Variants in TCF12 observed in about 807,000 individuals in gnomAD.
The protein encoded by TCF12 is transcription factor 12, also known as DNA-binding protein HTF4.
Under a neutral mutation model 86.0 loss-of-function variants are expected in TCF12, and 45 were observed. The ratio of observed to expected loss-of-function variants is 0.52; its 90% confidence interval spans 0.41 to 0.67. The LOEUF (loss-of-function observed/expected upper bound fraction) is 0.67. Ranked by LOEUF, TCF12 falls within the 30% of genes least tolerant of loss-of-function variation. The pLI is 0.00. For synonymous variants in TCF12, 330 were observed against 299.6 expected, an observed-to-expected ratio of 1.10 and a Z score of -1.05; for missense variants, 881 against 859.9, an observed-to-expected ratio of 1.02 and a Z score of -0.31.
chr15:57,139,888 C>G (rs1045581581), intron 5 of TCF12, among the ~76,000 whole-genome samples: 4 of 152,192 alleles, frequency 2.6e-5, no homozygotes, highest in African/African-American at 9.6e-5. Context: ...ACTTCATTCA[C>G]TCACAGTCCT....
At chr15:57,282,974 T>C (rs1209673546) in intron 20 of TCF12, among the ~76,000 whole-genome samples, 1 of 152,254 alleles carries the variant, frequency 6.6e-6, no homozygotes, top group Non-Finnish European at 1.5e-5. Context: ...ATGCTGACTA[T>C]ATCATCAACC....
intron 5 of TCF12, among the ~76,000 whole-genome samples, chr15:57,161,142 T>C (rs777850387): frequency 6.6e-6 from 1 of 152,226 alleles, no homozygotes; most frequent in African/African-American, 2.4e-5. Context: ...TGTAGAACTG[T>C]GCCTGTCCAC....
At chr15:57,063,701 C>A in intron 3 of TCF12, 49 bp from the exon 4 acceptor site, 1 of 1,534,686 alleles carries the variant, frequency 6.5e-7, no homozygotes, top group Non-Finnish European at 8.9e-7. Flanking sequence ...CCAAAAAAAT[C>A]CACAAAAGTA....
chr15:57,241,807 A>C (rs1279820723), intron 12 of TCF12, among the ~76,000 whole-genome samples: 1 of 152,106 alleles, frequency 6.6e-6, no homozygotes, highest in Non-Finnish European at 1.5e-5. Flanking sequence ...AGCCTGTCCA[A>C]CATAGCGAAA....
chr15:57,016,291 A>C (rs2435905), intron 3 of TCF12, among the ~76,000 whole-genome samples: 1 of 152,120 alleles, frequency 6.6e-6, no homozygotes, highest in Non-Finnish European at 1.5e-5. Context: ...GACAGATTAC[A>C]AGGTAGATTC....
intron 8 of TCF12, among the ~76,000 whole-genome samples, chr15:57,221,741 A>G (rs2058608149): frequency 2.0e-5 from 3 of 152,070 alleles, no homozygotes; most frequent in Admixed American, 2.0e-4. Flanking sequence ...ACTTGTATGT[A>G]TTTTATTTTT....
At chr15:56,999,551 CAG>C (rs1360709043) in intron 3 of TCF12, among the ~76,000 whole-genome samples, 15 of 152,016 alleles carry the variant, frequency 9.9e-5, no homozygotes, top group Admixed American at 5.9e-4. Context: ...TAAGATGAAA[CAG>C]ATGATCTTGT....
In TCF12 at chr15:57,286,730, T is replaced by C. The variant is rs977566973; in HGVS notation, c.*585T>C. ...TGCCCTCTCCTATCCTCTTGCCATATGAATAGCGTTTTCCATGAAATAGGA... is the reference window on the plus strand; with the variant it reads ...TGCCCTCTCCTATCCTCTTGCCATACGAATAGCGTTTTCCATGAAATAGGA... On this transcript the variant is annotated 3_prime_UTR_variant, in exon 21 of 21. Transcript: ENST00000333725. The C allele has an allele frequency of 4.6e-6, 2 of 438,978 alleles. No individual in the cohort carries two copies. Among genetic ancestry groups the C allele is most frequent in the Non-Finnish European group, 9.1e-6 (2 of 220,670 alleles). 27.2% of individuals were successfully genotyped at this position (438,978 alleles called of 1,614,324 possible). A position where few individuals can be genotyped will look rare whatever the true frequency, so the allele number is the denominator to read the frequency against.
chr15:56,975,376 G>A (rs1435700201), intron 3 of TCF12, among the ~76,000 whole-genome samples: 1 of 152,140 alleles, frequency 6.6e-6, no homozygotes, highest in Non-Finnish European at 1.5e-5. Context: ...ATTTAAAATA[G>A]TTAATGATAA....
intron 5 of TCF12, among the ~76,000 whole-genome samples, chr15:57,104,073 A>C (rs1218882566): frequency 1.3e-5 from 2 of 152,214 alleles, no homozygotes; most frequent in African/African-American, 4.8e-5. Flanking sequence ...ACAGTATTTC[A>C]TAGTGGAAAG....
intron 3 of TCF12, among the ~76,000 whole-genome samples, chr15:57,020,050 A>G (rs1412931700): frequency 1.3e-5 from 2 of 152,220 alleles, no homozygotes; most frequent in Non-Finnish European, 2.9e-5. Context: ...AGGTGGGGTC[A>G]GCCATACTAG....
intron 3 of TCF12, among the ~76,000 whole-genome samples, chr15:56,945,375 A>G (rs1251594005): frequency 6.6e-6 from 1 of 151,992 alleles, no homozygotes; most frequent in Non-Finnish European, 1.5e-5. Context: ...TCAGGTATTC[A>G]TCTTGTCTCA....
chr15:56,937,180 C>T (rs1428649690), intron 3 of TCF12, among the ~76,000 whole-genome samples: 1 of 152,050 alleles, frequency 6.6e-6, no homozygotes, highest in East Asian at 1.9e-4. Context: ...TTGTAGACGT[C>T]CTTTACCTCC....
intron 3 of TCF12, among the ~76,000 whole-genome samples, chr15:57,045,270 A>G (rs1323238733): frequency 6.6e-6 from 1 of 152,184 alleles, no homozygotes; most frequent in Admixed American, 6.5e-5. Context: ...TTCAAGACAA[A>G]CGATTTGAAC....
At chr15:57,064,985 A>C (rs534000478) in intron 4 of TCF12, among the ~76,000 whole-genome samples, 1 of 152,266 alleles carries the variant, frequency 6.6e-6, no homozygotes, top group South Asian at 2.1e-4. Flanking sequence ...TGAAATGCAT[A>C]GTCTCAGTAT....
chr15:57,036,707 T>C (rs1269642517), intron 3 of TCF12, among the ~76,000 whole-genome samples: 4 of 152,224 alleles, frequency 2.6e-5, no homozygotes, highest in South Asian at 2.1e-4. Flanking sequence ...TTAAAAAAAT[T>C]ACTGAGTTAT....
intron 3 of TCF12, among the ~76,000 whole-genome samples, chr15:56,940,593 C>T (rs2060708734): frequency 6.7e-6 from 1 of 149,474 alleles, no homozygotes; most frequent in Non-Finnish European, 1.5e-5. Context: ...TCTCCTCCTC[C>T]TCCTCCTTCT....
At chr15:57,256,224 AG>A (rs2060339275) in intron 16 of TCF12, among the ~76,000 whole-genome samples, 1 of 152,248 alleles carries the variant, frequency 6.6e-6, no homozygotes, top group South Asian at 2.1e-4. Flanking sequence ...AATGAAGATT[AG>A]TCTGCCACTG....
At chr15:57,132,480 C>G (rs921986402) in intron 5 of TCF12, among the ~76,000 whole-genome samples, 1 of 152,120 alleles carries the variant, frequency 6.6e-6, no homozygotes, top group Non-Finnish European at 1.5e-5. Context: ...GTCAAAGGGT[C>G]AATTCAGATT....
Sources: allele counts gnomAD v4.1 joint callset (sites outside exome capture counted in the v4.1 genomes callset), GRCh38; gene constraint gnomAD v4.1.1; transcripts MANE v1.5; gene names NCBI Gene and HGNC (gene_info 2026-07-23, HGNC 2026-07-21).